LUC7L2: variants seen among roughly 807,000 people sequenced by gnomAD.
LUC7L2 encodes LUC7 like 2, pre-mRNA splicing factor.
Under a neutral mutation model 52.8 loss-of-function variants are expected in LUC7L2, and 25 were observed. The ratio of observed to expected loss-of-function variants is 0.47; its 90% CI spans 0.34 to 0.66. LUC7L2 has a LOEUF of 0.66. Among genes scored for constraint, LUC7L2 ranks in the 30% least tolerant of loss-of-function variants. LUC7L2 has a pLI of 0.01. For synonymous variants in LUC7L2, 144 were observed against 160.9 expected (o/e 0.89, Z 0.80); for missense variants, 328 against 497.8 (o/e 0.66, Z 3.25).
chr7:139,347,984 G>A (rs1799324097), intron 1 of LUC7L2, among the ~76,000 whole-genome samples: 1 of 152,148 alleles, frequency 6.6e-6, no homozygotes, highest in Non-Finnish European at 1.5e-5. Context: ...ACAGGTGTGA[G>A]CCACCATGCC....
intron 2 of LUC7L2, among the ~76,000 whole-genome samples, chr7:139,396,134 C>T (rs1794655316): frequency 6.6e-6 from 1 of 152,114 alleles, no homozygotes; most frequent in Non-Finnish European, 1.5e-5. Flanking sequence ...CTTCAGAAAG[C>T]TTTGATTATT....
At chr7:139,345,521 C>T (rs779614237) in intron 1 of LUC7L2, 2 of 1,614,156 alleles carry the variant, frequency 1.2e-6, no homozygotes, top group East Asian at 2.2e-5. Context: ...AAAAGTTGTG[C>T]AGAGCCCAAC....
chr7:139,358,464 A>C (rs1165457704), upstream of LUC7L2, among the ~76,000 whole-genome samples: 1 of 142,748 alleles, frequency 7.0e-6, no homozygotes, highest in Non-Finnish European at 1.5e-5. Flanking sequence ...CTGTCTTCTT[A>C]AACATTTGAT....
intron 2 of LUC7L2, among the ~76,000 whole-genome samples, chr7:139,388,158 G>A (rs936346371): frequency 6.6e-6 from 1 of 152,054 alleles, no homozygotes; most frequent in African/African-American, 2.4e-5. Context: ...TATCTCATTT[G>A]TGTATATATT....
intron 1 of LUC7L2, among the ~76,000 whole-genome samples, chr7:139,350,921 G>A (rs772027917): frequency 3.9e-5 from 6 of 152,104 alleles, no homozygotes; most frequent in East Asian, 1.9e-4. Context: ...TGATTTGCCC[G>A]CCTTGGCCTC....
At chr7:139,416,350 T>C (rs908304730) in intron 8 of LUC7L2, 1 of 151,942 alleles carries the variant, frequency 6.6e-6, no homozygotes, top group African/African-American at 2.4e-5. Context: ...GGTTTTTTTC[T>C]TTTCAAAAAA....
Position 139,417,585 on chromosome 7 carries a change from G to T in LUC7L2, c.857G>T (p.Arg286Leu), listed in dbSNP as rs748376026. The change falls in exon 9 of 10, where the codon CGT becomes CTT. Residue 286 changes from arginine (R) to leucine (L), a missense_variant. Physicochemically the swap from Arg to Leu is moderately radical, Grantham distance 102 (BLOSUM62 -2). Coordinates refer to ENST00000354926, the MANE Select transcript of LUC7L2 (RefSeq NM_016019.5). Reference sequence around the variant, plus strand: ...AGACATCGATCTCGCTCCATGTCACGTGAACGCAAGAGGAGAACTCGATCC... The same window carrying T: ...AGACATCGATCTCGCTCCATGTCACTTGAACGCAAGAGGAGAACTCGATCC... The part of the protein sequence containing the change: ...HRRHRSRSMS[R>L]ERKRRTRSKS... 1.9e-6 allele frequency: 3 copies of T among 1,614,160 alleles called. No homozygotes were observed. Among genetic ancestry groups the T allele is most frequent in the Non-Finnish European group, 2.5e-6 (3 of 1,180,042 alleles).
At chr7:139,371,918 C>G (rs1347792603) in intron 1 of LUC7L2, among the ~76,000 whole-genome samples, 1 of 152,098 alleles carries the variant, frequency 6.6e-6, no homozygotes, top group East Asian at 1.9e-4. Context: ...ACTTGTGACT[C>G]AGGTGTTCTC....
At chr7:139,393,773 G>A (rs2131264417) in intron 2 of LUC7L2, among the ~76,000 whole-genome samples, 1 of 152,292 alleles carries the variant, frequency 6.6e-6, no homozygotes, top group East Asian at 1.9e-4. Context: ...TACTTCTCAT[G>A]TGCATAGCAC....
intron 2 of LUC7L2, among the ~76,000 whole-genome samples, chr7:139,394,843 T>G (rs769668003): frequency 1.1e-4 from 16 of 152,188 alleles, no homozygotes; most frequent in Non-Finnish European, 1.5e-5. Flanking sequence ...GATTTTCTGA[T>G]AAGCACCCTG....
At chr7:139,407,426 C>T (rs1325401846) in intron 6 of LUC7L2, 76 bp downstream of exon 6, 2 of 1,466,592 alleles carry the variant, frequency 1.4e-6, no homozygotes, top group African/African-American at 2.8e-5. Context: ...GTACAATATT[C>T]TTGACTATGA....
At chr7:139,389,666 T>C (rs1304398575) in intron 2 of LUC7L2, among the ~76,000 whole-genome samples, 1 of 152,220 alleles carries the variant, frequency 6.6e-6, no homozygotes. Flanking sequence ...AAGTTATTCA[T>C]TGAACAAATA....
At chr7:139,403,704 CTATT>C (rs1441132558) in intron 4 of LUC7L2, among the ~76,000 whole-genome samples, 8 of 152,312 alleles carry the variant, frequency 5.3e-5, no homozygotes, top group South Asian at 2.1e-4. Flanking sequence ...ACTTAAAACA[CTATT>C]TATTTAGCCC....
chr7:139,422,567 TTATATA>T lies in LUC7L2; in HGVS notation c.*228_*233del. The T allele has an allele frequency of 1.1e-6, 1 of 876,500 alleles. No individual in the cohort carries two copies. The allele number at this position is 876,500 out of a possible 1,614,324, so 54.3% of individuals were successfully genotyped here. Reference sequence around the variant, plus strand: ...GTAATACAGTTCTGAAAGTACAGTTTTATATAATAAGATGCTGATCTCTTTATTCTT... The same window carrying T: ...GTAATACAGTTCTGAAAGTACAGTTTATAAGATGCTGATCTCTTTATTCTT... On this transcript the variant is annotated 3_prime_UTR_variant, in exon 10 of 10. Transcript: ENST00000354926.
chr7:139,374,831 A>T, intron 1 of LUC7L2: 3 of 1,035,432 alleles, frequency 2.9e-6, no homozygotes, highest in Non-Finnish European at 3.5e-6. Context: ...GCTCTTTAGT[A>T]TATGACCATA....
intron 2 of LUC7L2, among the ~76,000 whole-genome samples, chr7:139,391,584 T>G (rs190369426): frequency 2.7e-4 from 41 of 152,238 alleles, no homozygotes; most frequent in African/African-American, 8.4e-4. Context: ...AAAATTAAAT[T>G]GGCTTCTTTT....
At chr7:139,362,620 TC>T (rs1385989264) in intron 1 of LUC7L2, among the ~76,000 whole-genome samples, 4 of 132,060 alleles carry the variant, frequency 3.0e-5, no homozygotes, top group Non-Finnish European at 6.1e-5. Context: ...GGCAACTCTG[TC>T]CTTTTTTTTT....
At chr7:139,381,035 G>T (rs1348352145) in intron 2 of LUC7L2, among the ~76,000 whole-genome samples, 2 of 152,090 alleles carry the variant, frequency 1.3e-5, no homozygotes, top group African/African-American at 4.8e-5. Flanking sequence ...TTTTATGATA[G>T]CCCTCATCAT....
chr7:139,348,472 G>A (rs1360710891), intron 1 of LUC7L2, among the ~76,000 whole-genome samples: 8 of 152,130 alleles, frequency 5.3e-5, no homozygotes, highest in Non-Finnish European at 1.2e-4. Flanking sequence ...TGTAATCCCA[G>A]CACTTTGAGC....
Sources: gnomAD v4.1 joint callset for allele counts (sites outside exome capture counted in the v4.1 genomes callset) on GRCh38, gnomAD v4.1.1 for gene constraint, MANE v1.5 for transcripts, NCBI Gene and HGNC (gene_info 2026-07-23, HGNC 2026-07-21) for gene names.